The following TMPRSS15 variants were observed in gnomAD, a reference collection of about 807,000 sequenced individuals.
The protein encoded by TMPRSS15 is transmembrane serine protease 15.
In TMPRSS15, 128 loss-of-function variants were observed where a neutral mutation model predicts 125.3. The observed-to-expected ratio is 1.02, with a 90% confidence interval of 0.89 to 1.18. TMPRSS15 has a LOEUF of 1.18. TMPRSS15 is among the 50% of genes most tolerant of loss of function. The pLI is 0.00. For missense variants in TMPRSS15, 1,283 were observed against 1,212.7 expected (o/e 1.06, Z -0.86); for synonymous variants, 446 against 423.2 (o/e 1.05, Z -0.66).
intron 1 of TMPRSS15, among the ~76,000 whole-genome samples, chr21:18,439,719 T>C (rs2076236650): frequency 1.3e-5 from 2 of 152,058 alleles, no homozygotes; most frequent in Non-Finnish European, 2.9e-5. Context: ...TTAAATTGGA[T>C]TTATGGATGG....
chr21:18,397,223 T>C (rs1310481108), intron 3 of TMPRSS15, among the ~76,000 whole-genome samples: 2 of 152,284 alleles, frequency 1.3e-5, no homozygotes, highest in East Asian at 3.9e-4. Context: ...CAGAGAGATG[T>C]CAGCAAGATT....
chr21:18,412,957 T>C (rs2076169793), intron 1 of TMPRSS15, among the ~76,000 whole-genome samples: 1 of 152,164 alleles, frequency 6.6e-6, no homozygotes, highest in African/African-American at 2.4e-5. Context: ...ATAAGATAAA[T>C]TTTAAATAAA....
At chr21:18,484,736 A>T (rs571168048) in intron 1 of TMPRSS15, among the ~76,000 whole-genome samples, 8 of 151,858 alleles carry the variant, frequency 5.3e-5, no homozygotes, top group Admixed American at 4.6e-4. Context: ...ATATGGGTGA[A>T]TCTGTTTCTG....
rs754037023 is a variant in TMPRSS15 at position 18,326,406 on chromosome 21, G to A, written c.1921+26C>T. The A allele has an allele frequency of 1.3e-5, 21 of 1,613,914 alleles. No homozygotes were observed. In the East Asian group the frequency reaches 4.5e-4, roughly 34 times the overall value. On this transcript the variant is annotated intron_variant, in intron 16 of 24. Transcript: ENST00000284885. ...GCTGTTTTGCTCCAAAAGTTATGAT[G>A]CAATGTGTGATTTATGGGCTCCTAC... is the stretch of plus-strand genomic sequence containing the variant.
chr21:18,426,552 C>T (rs1191623746), intron 1 of TMPRSS15, among the ~76,000 whole-genome samples: 1 of 152,178 alleles, frequency 6.6e-6, no homozygotes, highest in African/African-American at 2.4e-5. Flanking sequence ...CTGTTTTCAT[C>T]TTTAAACAGC....
intron 23 of TMPRSS15, 111 bp downstream of exon 23, chr21:18,278,853 G>A: frequency 1.5e-6 from 1 of 652,002 alleles, no homozygotes; most frequent in South Asian, 1.8e-5. Flanking sequence ...TGAAAAAACT[G>A]TTATATAAGA....
At chr21:18,300,226 TTC>T (rs1412192765) in intron 18 of TMPRSS15, among the ~76,000 whole-genome samples, 185 of 145,528 alleles carry the variant, frequency 1.3e-3, no homozygotes, top group African/African-American at 3.9e-3. Flanking sequence ...TTCTCTCTTT[TTC>T]TTTCTTTCTT....
At chr21:18,347,972 C>T (rs2075526406) in intron 10 of TMPRSS15, among the ~76,000 whole-genome samples, 1 of 151,858 alleles carries the variant, frequency 6.6e-6, no homozygotes. Context: ...GCTGTTTTTA[C>T]AAAAAAGAGA....
At chr21:18,390,816 C>A (rs899054208) in intron 3 of TMPRSS15, among the ~76,000 whole-genome samples, 25 of 152,038 alleles carry the variant, frequency 1.6e-4, no homozygotes, top group Admixed American at 1.3e-3. Context: ...TAAAGAAATA[C>A]CTGAGACTGG....
At chr21:18,431,010 C>T (rs1280729490) in intron 1 of TMPRSS15, among the ~76,000 whole-genome samples, 1 of 152,168 alleles carries the variant, frequency 6.6e-6, no homozygotes, top group African/African-American at 2.4e-5. Flanking sequence ...ACAGATATAT[C>T]TGACTAAAAG....
intron 19 of TMPRSS15, 33 bp from the exon 20 acceptor site, chr21:18,294,685 T>C (rs1601288412): frequency 6.3e-7 from 1 of 1,580,200 alleles, no homozygotes; most frequent in African/African-American, 1.3e-5. Context: ...TTTTTAAAAT[T>C]ATGCATTTAA....
rs1471349995 is a variant in TMPRSS15 at position 18,352,983 on chromosome 21, T to A, written c.1091A>T (p.Asn364Ile). ...CFWVQDLNDD[N>I]EWERIQGSTF... ...GCTTCCCTGAATCCTTTCCCATTCA[T>A]TATCATCATTTAGATCCTGGACCCA... The change falls in exon 10 of 25, where the codon AAT becomes ATT. Residue 364 changes from asparagine to isoleucine, a missense_variant. Physicochemically the swap from Asn to Ile is moderately radical, Grantham distance 149. Transcript: ENST00000284885. 1 of 1,612,034 alleles carries A rather than the reference T, an allele frequency of 6.2e-7. No homozygotes were observed. The highest frequency in any genetic ancestry group is 8.5e-7 in the Non-Finnish European group (1 of 1,178,868).
chr21:18,449,923 C>G (rs1166641200), intron 1 of TMPRSS15, among the ~76,000 whole-genome samples: 1 of 151,406 alleles, frequency 6.6e-6, no homozygotes, highest in South Asian at 2.1e-4. Flanking sequence ...GAAGAATAGC[C>G]TTTCAATTAG....
intron 1 of TMPRSS15, among the ~76,000 whole-genome samples, chr21:18,468,568 T>C (rs190864697): frequency 6.6e-6 from 1 of 152,302 alleles, no homozygotes; most frequent in East Asian, 1.9e-4. Flanking sequence ...TGCCTTTTTT[T>C]ATTTGCTTCA....
intron 1 of TMPRSS15, among the ~76,000 whole-genome samples, chr21:18,448,615 A>G (rs1309475431): frequency 4.6e-5 from 7 of 152,126 alleles, no homozygotes; most frequent in Admixed American, 4.6e-4. Flanking sequence ...CTAAGCACAG[A>G]GTGTATGAAA....
chr21:18,295,816 G>T (rs2074899779), intron 19 of TMPRSS15, among the ~76,000 whole-genome samples: 1 of 152,120 alleles, frequency 6.6e-6, no homozygotes, highest in African/African-American at 2.4e-5. Flanking sequence ...CCCTGTGGTG[G>T]GAGGTGGTGG....
intron 1 of TMPRSS15, among the ~76,000 whole-genome samples, chr21:18,448,112 G>A (rs867514114): frequency 5.3e-4 from 80 of 152,170 alleles, no homozygotes; most frequent in Middle Eastern, 6.8e-3. Context: ...ACCAATAAAC[G>A]TATATCCAAA....
rs959098266 is a variant in TMPRSS15, at chr21:18,441,986, C to T, written c.11-43657G>A. On this transcript the variant is annotated intron_variant, in intron 1 of 7. Coordinates refer to the TMPRSS15 transcript ENST00000422787. ...GATTACAGGCGTGAGCCACCACACC[C>T]GGCCCAGGACACATTATTTTAAAGA... is the stretch of plus-strand genomic sequence containing the variant. Among the ~76,000 whole-genome samples, 11 of 152,202 alleles carry T rather than the reference C, an allele frequency of 7.2e-5. 1 individual carries two copies. In the South Asian group the frequency reaches 1.5e-3, roughly 20 times the overall value.
chr21:18,350,534 G>A (rs1479596622), intron 10 of TMPRSS15, among the ~76,000 whole-genome samples: 2 of 152,058 alleles, frequency 1.3e-5, no homozygotes, highest in Admixed American at 6.6e-5. Context: ...TCTTTCAACA[G>A]ATCAGTCATG....
Sources: allele counts gnomAD v4.1 joint callset (sites outside exome capture counted in the v4.1 genomes callset), GRCh38; gene constraint gnomAD v4.1.1; transcripts MANE v1.5; gene names NCBI Gene and HGNC (gene_info 2026-07-23, HGNC 2026-07-21).